The following CBR3 variants were observed in gnomAD, a reference collection of about 807,000 sequenced individuals.
The protein encoded by CBR3 is carbonyl reductase 3, also known as carbonyl reductase [NADPH] 3.
A neutral mutation model predicts 11.6 loss-of-function variants in CBR3; 14 were observed. The ratio of observed to expected loss-of-function variants is 1.20; its 90% CI spans 0.79 to 1.88. The LOEUF (loss-of-function observed/expected upper bound fraction) is 1.88, where lower values mean the gene tolerates loss of function less well. CBR3 is among the 40% of genes most tolerant of loss of function. CBR3 has a pLI of 0.00. For missense variants in CBR3, 308 were observed against 357.3 expected (o/e 0.86, Z 1.11); for synonymous variants, 125 against 145.6 (o/e 0.86, Z 1.02).
At chr21:36,135,592 C>A (rs559253237) in intron 1 of CBR3, 111 bp downstream of exon 1, 5 of 1,052,880 alleles carry the variant, frequency 4.7e-6, no homozygotes, top group African/African-American at 1.6e-5. Flanking sequence ...GTGGCGCCGA[C>A]CCCTAGGGAT....
At chr21:36,138,226 C>T in intron 2 of CBR3, 1 of 233,716 alleles carries the variant, frequency 4.3e-6, no homozygotes, top group Non-Finnish European at 8.4e-6. Context: ...TGGCTCACTG[C>T]AACCTCCACC....
At chr21:36,145,845 C>T (rs2065749419) in intron 2 of CBR3, among the ~76,000 whole-genome samples, 1 of 151,522 alleles carries the variant, frequency 6.6e-6, no homozygotes, top group Non-Finnish European at 1.5e-5. Context: ...CCTGTAATTC[C>T]AGCTACTCAG....
At position 36,135,084 on chromosome 21, in the gene CBR3, T is replaced by G. The variant is rs977009601; in HGVS notation, c.-109T>G. ...GACTCGCAGCACTGGATCCCAGAAC[T>G]TAGTCTGCGCGGCGGCATTGACACT... On this transcript the variant is annotated 5_prime_UTR_variant, in exon 1 of 3. Transcript: ENST00000290354. 2 of 1,126,410 alleles carry G rather than the reference T, an allele frequency of 1.8e-6. No individual in the cohort carries two copies. The highest frequency in any genetic ancestry group is 1.7e-5 in the African/African-American group (1 of 60,422). The allele number at this position is 1,126,410 out of a possible 1,614,324, so 69.8% of individuals were successfully genotyped here.
At chr21:36,135,549 C>A (rs1035364485) in intron 1 of CBR3, 68 bp downstream of exon 1, 1 of 1,425,680 alleles carries the variant, frequency 7.0e-7, no homozygotes, top group South Asian at 1.4e-5. Flanking sequence ...CAGCCGCAGG[C>A]TCCCCACCCG....
chr21:36,136,689 T>A (rs752416835), intron 1 of CBR3, among the ~76,000 whole-genome samples: 1 of 152,132 alleles, frequency 6.6e-6, no homozygotes, highest in Admixed American at 6.5e-5. Context: ...TGGGCGCTCA[T>A]GGCAAGGCAG....
At chr21:36,140,851 CA>C (rs905741697) in intron 2 of CBR3, among the ~76,000 whole-genome samples, 37 of 151,398 alleles carry the variant, frequency 2.4e-4, no homozygotes, top group Non-Finnish European at 3.7e-4. Flanking sequence ...ACTAAAAATA[CA>C]AAAAAATTAG....
At chr21:36,144,562 G>A (rs1482437412) in intron 2 of CBR3, among the ~76,000 whole-genome samples, 48 of 106,724 alleles carry the variant, frequency 4.5e-4, no homozygotes, top group African/African-American at 1.8e-3. Context: ...GGGAGGCGGA[G>A]GTTGCAGTGA....
At chr21:36,136,042 C>T (rs1032619967) in intron 1 of CBR3, among the ~76,000 whole-genome samples, 1 of 152,138 alleles carries the variant, frequency 6.6e-6, no homozygotes, top group Non-Finnish European at 1.5e-5. Flanking sequence ...CCTTCTCGTT[C>T]CCCCACCCCC....
intron 2 of CBR3, among the ~76,000 whole-genome samples, chr21:36,139,382 CTTTTTTT>C (rs35931656): frequency 9.5e-5 from 12 of 126,682 alleles, no homozygotes; most frequent in Non-Finnish European, 1.6e-4. Context: ...CTTGCTTTTT[CTTTTTTT>C]TTTTTTTTTT....
chr21:36,146,276 G>C lies in CBR3; in HGVS notation c.598G>C (p.Gly200Arg). The C allele has an allele frequency of 6.2e-7, 1 of 1,614,184 alleles. No individual in the cohort carries two copies. Among genetic ancestry groups the C allele is most frequent in the Non-Finnish European group, 8.5e-7 (1 of 1,180,046 alleles). The change falls in exon 3 of 3, where the codon GGG (glycine) becomes CGG (arginine). Residue 200 changes from glycine (G) to arginine (R), a missense_variant. By Grantham distance (125) the Gly-to-Arg change is moderately radical. Transcript: ENST00000290354. ...CTCACCTTATGGGGTGTCCAAGTTG[G>C]GGGTCACGGTCTTATCGAGGATCCT... ...PNSPYGVSKLGVTVLSRILAR... is the reference protein window; with the variant it reads ...PNSPYGVSKLRVTVLSRILAR...
chr21:36,142,424 T>A (rs191965489), intron 2 of CBR3, among the ~76,000 whole-genome samples: 199 of 2,904 alleles, frequency 0.069, 2 homozygotes, highest in African/African-American at 0.24. Context: ...AGAGCGAGAC[T>A]CCATCTCAAA....
At chr21:36,139,356 T>G (rs2065689393) in intron 2 of CBR3, among the ~76,000 whole-genome samples, 1 of 151,414 alleles carries the variant, frequency 6.6e-6, no homozygotes, top group Admixed American at 6.6e-5. Context: ...GAACTGTGGT[T>G]TTTATTAAAA....
chr21:36,135,811 C>T (rs1487194916), intron 1 of CBR3, among the ~76,000 whole-genome samples: 1 of 152,254 alleles, frequency 6.6e-6, no homozygotes, highest in Non-Finnish European at 1.5e-5. Flanking sequence ...AGTTCATCAG[C>T]TTTCCTTCCA....
intron 1 of CBR3, among the ~76,000 whole-genome samples, chr21:36,136,562 C>T (rs2065661641): frequency 6.6e-6 from 1 of 152,126 alleles, no homozygotes; most frequent in Non-Finnish European, 1.5e-5. Flanking sequence ...CCTAATGCAG[C>T]CCTCAGCCAT....
Position 36,136,859 on chromosome 21 carries a change from C to T in CBR3, c.290-966C>T, listed in dbSNP as rs184628087. ...CCCGGGAAACATGGTGAAACACCAA[C>T]TCTACTAAAAATACAAAAATTAGCT... On this transcript the variant is annotated intron_variant, in intron 1 of 2. Transcript: ENST00000290354. Among the ~76,000 whole-genome samples the T allele has an allele frequency of 2.0e-3, 305 of 151,828 alleles. 2 individuals are homozygous for T. The highest frequency in any genetic ancestry group is 0.015 in the Admixed American group (233 of 15,264).
At chr21:36,142,211 T>A (rs1038584166) in intron 2 of CBR3, among the ~76,000 whole-genome samples, 1 of 151,816 alleles carries the variant, frequency 6.6e-6, no homozygotes, top group African/African-American at 2.4e-5. Context: ...GGCGGGCGGA[T>A]CATGAGGTCA....
In CBR3 at chr21:36,135,257, C is replaced by T. The variant is rs1482742669; in HGVS notation, c.65C>T (p.Ala22Val). The part of the protein sequence containing the change: ...GANRGIGLAI[A>V]RELCRQFSGD... ...AACAGGGGCATCGGCTTGGCCATCG[C>T]GCGCGAACTGTGCCGACAGTTCTCT... Residue 22 changes from alanine (A) to valine (V), a missense_variant, in exon 1 of 3, where the codon GCG (alanine) becomes GTG (valine). Physicochemically the swap from Ala to Val is moderately conservative, Grantham distance 64. Coordinates refer to ENST00000290354, the MANE Select transcript of CBR3 (RefSeq NM_001236.4). 1.9e-6 allele frequency: 3 copies of T among 1,587,066 alleles called. No individual in the cohort carries two copies. The highest frequency in any genetic ancestry group is 2.3e-5 in the East Asian group (1 of 43,608).
intron 2 of CBR3, chr21:36,138,325 T>G (rs982033439): frequency 6.1e-6 from 1 of 163,340 alleles, no homozygotes; most frequent in African/African-American, 2.4e-5. Context: ...TTTTTTATAT[T>G]TTTAGTAGAG....
intron 2 of CBR3, chr21:36,138,160 G>T: frequency 2.2e-6 from 1 of 454,222 alleles, no homozygotes; most frequent in Non-Finnish European, 4.0e-6. Context: ...AGTGGGGTGG[G>T]TGGTGGGAAG....
Sources: allele counts gnomAD v4.1 joint callset (sites outside exome capture counted in the v4.1 genomes callset), GRCh38; gene constraint gnomAD v4.1.1; transcripts MANE v1.5; gene names NCBI Gene and HGNC (gene_info 2026-07-23, HGNC 2026-07-21).